The following SYCP1 variants were observed in gnomAD, a reference collection of about 807,000 sequenced individuals.
SYCP1 encodes the protein cancer/testis antigen 8.
In SYCP1, 64 loss-of-function variants were observed where a neutral mutation model predicts 153.1. That is an observed-to-expected ratio of 0.42 (90% CI 0.34 to 0.51). SYCP1 has a LOEUF of 0.51. SYCP1 is among the 20% of genes least tolerant of loss of function. SYCP1 has a pLI of 0.06. For missense variants in SYCP1, 997 were observed against 1,049.0 expected, an observed-to-expected ratio of 0.95 and a Z score of 0.68; for synonymous variants, 384 against 341.8, an observed-to-expected ratio of 1.12 and a Z score of -1.36.
chr1:114,916,550 T>C (rs533529578), intron 20 of SYCP1, among the ~76,000 whole-genome samples: 19 of 152,040 alleles, frequency 1.2e-4, no homozygotes, highest in Non-Finnish European at 2.1e-4. Flanking sequence ...TTTGTGATTT[T>C]TAGTTTTTGG....
chr1:114,951,314 A>G (rs1036539925), intron 27 of SYCP1, among the ~76,000 whole-genome samples: 2 of 152,208 alleles, frequency 1.3e-5, no homozygotes, highest in African/African-American at 4.8e-5. Context: ...ATACACTTAC[A>G]CATATCAAGA....
intron 11 of SYCP1, 65 bp downstream of exon 11, chr1:114,876,875 C>A: frequency 2.2e-6 from 2 of 898,514 alleles, no homozygotes; most frequent in Non-Finnish European, 1.5e-6. Flanking sequence ...CTTAAAATTT[C>A]AAAAGAAGTT....
rs534539013 is a variant in SYCP1 at position 114,929,598 on chromosome 1, A to G, written c.1926+3035A>G. On this transcript the variant is annotated intron_variant, in intron 23 of 31. Transcript: ENST00000369522. Reference sequence around the variant, plus strand: ...ACAATTTTAATAACAAATATAAGACAAGTAGTATTATTAAAGATCAGTAGG... The same window carrying G: ...ACAATTTTAATAACAAATATAAGACGAGTAGTATTATTAAAGATCAGTAGG... Among the ~76,000 whole-genome samples the G allele has an allele frequency of 5.2e-4, 79 of 152,182 alleles. 1 individual carries two copies. Among genetic ancestry groups the G allele is most frequent in the African/African-American group, 1.9e-3 (78 of 41,568 alleles).
intron 23 of SYCP1, among the ~76,000 whole-genome samples, chr1:114,939,943 C>G (rs1280150777): frequency 1.3e-5 from 2 of 152,120 alleles, no homozygotes; most frequent in Non-Finnish European, 2.9e-5. Context: ...TGGGTTTCAT[C>G]CAGTTCATCT....
chr1:114,876,467 C>A (rs1665543501), intron 10 of SYCP1, among the ~76,000 whole-genome samples: 1 of 150,990 alleles, frequency 6.6e-6, no homozygotes, highest in Non-Finnish European at 1.5e-5. Context: ...ATATTTAAAA[C>A]CTGTTGTTTC....
At chr1:114,987,544 T>C (rs1673598627) in intron 30 of SYCP1, among the ~76,000 whole-genome samples, 1 of 151,902 alleles carries the variant, frequency 6.6e-6, no homozygotes, top group South Asian at 2.1e-4. Flanking sequence ...ACATGGCCTG[T>C]AGTCTAACTA....
intron 8 of SYCP1, among the ~76,000 whole-genome samples, chr1:114,873,263 T>C (rs1042487556): frequency 2.0e-4 from 31 of 152,318 alleles, no homozygotes; most frequent in African/African-American, 5.8e-4. Context: ...GGAATTGTTG[T>C]AATGTGCTGG....
At chr1:114,963,285 C>A (rs184532380) in intron 27 of SYCP1, among the ~76,000 whole-genome samples, 106 of 152,314 alleles carry the variant, frequency 7.0e-4, no homozygotes, top group Admixed American at 2.4e-3. Flanking sequence ...TTAGATTTCT[C>A]TTCTTCCTGA....
chr1:114,982,221 T>G (rs973535665), intron 29 of SYCP1, among the ~76,000 whole-genome samples: 1 of 152,020 alleles, frequency 6.6e-6, no homozygotes, highest in Non-Finnish European at 1.5e-5. Context: ...CCAGTCTTTC[T>G]TTCTTGGAAG....
intron 3 of SYCP1, 73 bp from the exon 4 acceptor site, chr1:114,857,159 A>AATT: frequency 1.4e-6 from 1 of 693,190 alleles, no homozygotes. Flanking sequence ...AAAAAAAAAG[A>AATT]GAAAAAAGAA....
chr1:114,888,866 C>G (rs531903840), intron 15 of SYCP1, among the ~76,000 whole-genome samples: 1 of 151,778 alleles, frequency 6.6e-6, no homozygotes, highest in Non-Finnish European at 1.5e-5. Flanking sequence ...CCCCCCACCC[C>G]GCAACAGGTC....
At chr1:114,932,054 C>A (rs1669668379) in intron 23 of SYCP1, among the ~76,000 whole-genome samples, 1 of 152,086 alleles carries the variant, frequency 6.6e-6, no homozygotes, top group Non-Finnish European at 1.5e-5. Context: ...AGATCATATA[C>A]AAACATTAAT....
At chr1:114,972,164 G>T (rs1672529893) in intron 27 of SYCP1, among the ~76,000 whole-genome samples, 1 of 152,002 alleles carries the variant, frequency 6.6e-6, no homozygotes, top group Admixed American at 6.6e-5. Context: ...ATGTGGCTAG[G>T]AATTTATTTA....
chr1:114,927,742 T>C (rs1669350081), intron 23 of SYCP1, among the ~76,000 whole-genome samples: 1 of 152,122 alleles, frequency 6.6e-6, no homozygotes. Flanking sequence ...AGTGCCTCGG[T>C]GGCCTGTAGA....
At chr1:114,951,943 G>A (rs1671134631) in intron 27 of SYCP1, among the ~76,000 whole-genome samples, 2 of 152,080 alleles carry the variant, frequency 1.3e-5, no homozygotes, top group Non-Finnish European at 2.9e-5. Context: ...CAAGTTGTTA[G>A]TCCAACCTGA....
At chr1:114,910,546 A>G in intron 17 of SYCP1, 45 bp downstream of exon 17, 2 of 1,254,748 alleles carry the variant, frequency 1.6e-6, no homozygotes, top group Non-Finnish European at 1.1e-6. Context: ...TTGTTAATAG[A>G]ACATAGATTT....
intron 27 of SYCP1, among the ~76,000 whole-genome samples, chr1:114,956,852 A>G (rs1476077029): frequency 1.3e-5 from 2 of 149,152 alleles, no homozygotes; most frequent in Admixed American, 6.8e-5. Context: ...AGAATCACTG[A>G]GAACCACAAA....
At chr1:114,871,978 G>A (rs187623326) in intron 8 of SYCP1, among the ~76,000 whole-genome samples, 126 of 149,866 alleles carry the variant, frequency 8.4e-4, no homozygotes, top group East Asian at 4.7e-3. Context: ...TTATTTCTGC[G>A]TTGATGCTCT....
At chr1:114,895,678 A>G (rs1331489675) in intron 16 of SYCP1, among the ~76,000 whole-genome samples, 169 bp downstream of exon 16, 1 of 152,104 alleles carries the variant, frequency 6.6e-6, no homozygotes, top group Non-Finnish European at 1.5e-5. Context: ...ACCAATTTTT[A>G]TATACCTTGT....
Sources: gnomAD v4.1 joint callset for allele counts (sites outside exome capture counted in the v4.1 genomes callset) on GRCh38, gnomAD v4.1.1 for gene constraint, MANE v1.5 for transcripts, NCBI Gene and HGNC (gene_info 2026-07-23, HGNC 2026-07-21) for gene names.